Variants in IL1RAPL1 observed in about 807,000 individuals in gnomAD.
IL1RAPL1 encodes the protein interleukin 1 receptor accessory protein like 1, also known as interleukin-1 receptor accessory protein-like 1.
In IL1RAPL1, 3 loss-of-function variants were observed where a neutral mutation model predicts 48.4. The observed-to-expected ratio is 0.06, with a 90% CI of 0.03 to 0.16. The LOEUF (loss-of-function observed/expected upper bound fraction) is 0.16. IL1RAPL1 is among the 10% of genes least tolerant of loss of function. IL1RAPL1 has a pLI of 1.00. For missense variants in IL1RAPL1, 349 were observed against 530.6 expected (o/e 0.66, Z 3.36); for synonymous variants, 185 against 187.7 (o/e 0.99, Z 0.12).
intron 2 of IL1RAPL1, among the ~76,000 whole-genome samples, chrX:29,199,980 A>G (rs1930522445): frequency 9.0e-6 from 1 of 111,625 alleles, no homozygotes; most frequent in Non-Finnish European, 1.9e-5. Context: ...AATGCAATTT[A>G]TACTTTTTTT....
rs750139642 is a variant in IL1RAPL1 at position 28,883,325 on chromosome X, T to C, written c.82+93900T>C. On this transcript the variant is annotated intron_variant, in intron 2 of 10. Coordinates refer to ENST00000378993, the MANE Select transcript of IL1RAPL1 (RefSeq NM_014271.4). ...TTGTTAAAGTTGAATATTGATAATA[T>C]AGTGTGATCTAATATAGCTCTGTCC... is the stretch of plus-strand genomic sequence containing the variant. 1.4e-3 allele frequency among the ~76,000 whole-genome samples: 153 copies of C among 112,194 alleles called. 1 individual carries two copies. The highest frequency in any genetic ancestry group is 4.7e-3 in the African/African-American group (145 of 30,989).
intron 1 of IL1RAPL1, among the ~76,000 whole-genome samples, chrX:28,682,190 G>T (rs1429356953): frequency 2.7e-5 from 3 of 111,588 alleles, no homozygotes; most frequent in African/African-American, 9.8e-5. Context: ...TCATTCATCT[G>T]TTGATATATA....
chrX:28,614,289 A>C (rs2146884779), intron 1 of IL1RAPL1, among the ~76,000 whole-genome samples: 1 of 111,351 alleles, frequency 9.0e-6, no homozygotes, highest in East Asian at 2.8e-4. Flanking sequence ...AAATGAAAAA[A>C]CTTGGAGGTA....
chrX:29,757,722 T>G (rs1601810453), intron 6 of IL1RAPL1, among the ~76,000 whole-genome samples: 1 of 111,813 alleles, frequency 8.9e-6, no homozygotes, highest in East Asian at 2.8e-4. Context: ...AAATGTAGAG[T>G]CAATTAGAAA....
intron 1 of IL1RAPL1, among the ~76,000 whole-genome samples, chrX:28,622,115 GAAAAT>G (rs1458892000): frequency 9.0e-6 from 1 of 111,269 alleles, no homozygotes; most frequent in Non-Finnish European, 1.9e-5. Context: ...ACCTAGTTGA[GAAAAT>G]AAAGAGAAAA....
chrX:29,043,051 A>T (rs1269226816), intron 2 of IL1RAPL1, among the ~76,000 whole-genome samples: 3 of 111,799 alleles, frequency 2.7e-5, no homozygotes, highest in African/African-American at 9.8e-5. Flanking sequence ...TGATATAAAT[A>T]TTCTCATGGC....
rs192665495 is a variant in IL1RAPL1 at position 29,698,985 on chromosome X, G to A, written c.778+30481G>A. 1.1e-4 allele frequency among the ~76,000 whole-genome samples: 12 copies of A among 112,315 alleles called. No homozygotes were observed. In the South Asian group the frequency reaches 2.6e-3, roughly 24 times the overall value. Reference sequence around the variant, plus strand: ...CATATAAAGTTAAGGCAAATATTACGTGTACATAACAGAACCTATTAAAAT... The same window carrying A: ...CATATAAAGTTAAGGCAAATATTACATGTACATAACAGAACCTATTAAAAT... On this transcript the variant is annotated intron_variant, in intron 6 of 10. Transcript: ENST00000378993.
intron 6 of IL1RAPL1, among the ~76,000 whole-genome samples, chrX:29,777,879 A>G (rs1929242350): frequency 9.1e-6 from 1 of 110,227 alleles, no homozygotes; most frequent in Non-Finnish European, 1.9e-5. Flanking sequence ...TATTATGCCA[A>G]TTCTTGCTTC....
In IL1RAPL1 at chrX:29,614,236, C is replaced by A. The variant is rs921120435; in HGVS notation, c.704-54194C>A. Among the ~76,000 whole-genome samples, 4 of 111,505 alleles carry A rather than the reference C, an allele frequency of 3.6e-5. No homozygotes were observed. In the Admixed American group the frequency reaches 3.8e-4, roughly 11 times the overall value. On this transcript the variant is annotated intron_variant, in intron 5 of 10. Transcript: ENST00000378993. ...TGTCATACTTGCCTTGTTTTCTCAA[C>A]CTTCCAATTCCTAGGCAAATTGTCA...
chrX:29,589,451 T>C (rs926099353), intron 5 of IL1RAPL1, among the ~76,000 whole-genome samples: 2 of 108,779 alleles, frequency 1.8e-5, no homozygotes, highest in South Asian at 3.7e-4. Flanking sequence ...ACTCCTATTT[T>C]CAGGTATTCT....
At chrX:28,736,855 A>G (rs984232636) in intron 1 of IL1RAPL1, among the ~76,000 whole-genome samples, 1 of 111,227 alleles carries the variant, frequency 9.0e-6, no homozygotes, top group Non-Finnish European at 1.9e-5. Context: ...AGTGTGTTGC[A>G]TGTTTATTGT....
At chrX:29,078,808 AAATAT>A (rs1927740285) in intron 2 of IL1RAPL1, among the ~76,000 whole-genome samples, 1 of 111,832 alleles carries the variant, frequency 8.9e-6, no homozygotes, top group African/African-American at 3.3e-5. Flanking sequence ...TCTGTTATGT[AAATAT>A]GTGTAATTAT....
chrX:28,782,075 T>C (rs1055031544), intron 1 of IL1RAPL1, among the ~76,000 whole-genome samples: 1 of 111,539 alleles, frequency 9.0e-6, no homozygotes, highest in Non-Finnish European at 1.9e-5. Context: ...TTAGTGACTG[T>C]ATGTCTTCTA....
chrX:29,155,306 C>G (rs1387127434), intron 2 of IL1RAPL1, among the ~76,000 whole-genome samples: 1 of 112,095 alleles, frequency 8.9e-6, no homozygotes, highest in Non-Finnish European at 1.9e-5. Context: ...GCCACCATGC[C>G]TGGTGAAACA....
chrX:29,814,406 T>G lies in IL1RAPL1; in HGVS notation c.779-103058T>G, dbSNP rs560363715. Among the ~76,000 whole-genome samples, 4 of 111,777 alleles carry G rather than the reference T, an allele frequency of 3.6e-5. No homozygotes were observed. In the Admixed American group the frequency reaches 3.8e-4, roughly 11 times the overall value. On this transcript the variant is annotated intron_variant, in intron 6 of 10. Coordinates refer to ENST00000378993, the MANE Select transcript of IL1RAPL1 (RefSeq NM_014271.4). The stretch of plus-strand genomic sequence containing the variant: ...CTTTTGAGAGTGTCTGTTCTTATCT[T>G]TTGCCCGTTTTTAATGGGGTAATAT...
intron 1 of IL1RAPL1, among the ~76,000 whole-genome samples, chrX:28,706,067 A>G (rs1310681948): frequency 1.8e-5 from 2 of 112,099 alleles, no homozygotes; most frequent in Non-Finnish European, 3.8e-5. Context: ...GTCCTTGATG[A>G]CACTTGTTAT....
At chrX:29,747,932 C>T (rs952770738) in intron 6 of IL1RAPL1, among the ~76,000 whole-genome samples, 7 of 111,623 alleles carry the variant, frequency 6.3e-5, no homozygotes, top group African/African-American at 2.3e-4. Context: ...TGTTTTTCTC[C>T]CCCAATCTTA....
At chrX:29,946,592 ATCAC>A (rs1459686828) in intron 9 of IL1RAPL1, among the ~76,000 whole-genome samples, 1 of 112,319 alleles carries the variant, frequency 8.9e-6, no homozygotes, top group Non-Finnish European at 1.9e-5. Context: ...AGACAGCCTT[ATCAC>A]TCAACTTATA....
chrX:29,089,807 T>C (rs1307814762), intron 2 of IL1RAPL1, among the ~76,000 whole-genome samples: 1 of 75,218 alleles, frequency 1.3e-5, no homozygotes, highest in Admixed American at 1.6e-4. Context: ...CAGACACACA[T>C]GTATATGAAT....
Sources: gnomAD v4.1 joint callset for allele counts (sites outside exome capture counted in the v4.1 genomes callset) on GRCh38, gnomAD v4.1.1 for gene constraint, MANE v1.5 for transcripts, NCBI Gene and HGNC (gene_info 2026-07-23, HGNC 2026-07-21) for gene names.